RASGEF1A: variants seen among roughly 807,000 people sequenced by gnomAD.
The protein encoded by RASGEF1A is RasGEF domain family member 1A, also known as ras-GEF domain-containing family member 1A.
In RASGEF1A, 18 loss-of-function variants were observed where a neutral mutation model predicts 56.4. The ratio of observed to expected loss-of-function variants is 0.32; its 90% CI spans 0.22 to 0.47. The LOEUF is 0.47. Ranked by LOEUF, RASGEF1A falls within the 20% of genes least tolerant of loss-of-function variation. The pLI is 1.00. For missense variants in RASGEF1A, 422 were observed against 627.1 expected, an observed-to-expected ratio of 0.67 and a Z score of 3.49; for synonymous variants, 245 against 242.6, an observed-to-expected ratio of 1.01 and a Z score of -0.09.
intron 1 of RASGEF1A, among the ~76,000 whole-genome samples, chr10:43,263,042 A>G (rs887972566): frequency 6.6e-5 from 10 of 152,198 alleles, no homozygotes; most frequent in African/African-American, 2.4e-4. Context: ...GATGATGTGC[A>G]TCGTCACCCG....
At position 43,205,925 on chromosome 10, in the gene RASGEF1A, G is replaced by A. The variant is rs1189839769; in HGVS notation, c.192C>T (p.Tyr64=). 1.9e-6 allele frequency: 3 copies of A among 1,612,316 alleles called. No individual in the cohort carries two copies. The highest frequency in any genetic ancestry group is 2.5e-6 in the Non-Finnish European group (3 of 1,179,080). Residue 64 remains tyrosine (Y), a synonymous_variant, in exon 2 of 13, where the codon TAC becomes TAT. Coordinates refer to ENST00000395810, the MANE Select transcript of RASGEF1A (RefSeq NM_145313.4). ...MEHLVPTVDY[Y]PDRTYIFTFL... is the part of the protein sequence containing the mutation. ...CAAGGCCCCACGTACTCACATCGGG[G>A]TAATAGTCCACCGTGGGAACAAGGT...
chr10:43,222,123 G>A (rs997836977), intron 1 of RASGEF1A, among the ~76,000 whole-genome samples: 1 of 152,204 alleles, frequency 6.6e-6, no homozygotes, highest in African/African-American at 2.4e-5. Context: ...CCTGCACAGT[G>A]TGTGACTGCA....
intron 1 of RASGEF1A, 116 bp downstream of exon 1, chr10:43,266,729 C>T (rs1393308068): frequency 6.8e-6 from 1 of 146,142 alleles, no homozygotes; most frequent in Admixed American, 6.8e-5. Flanking sequence ...ACGGCCGCGC[C>T]GGGAGGGACC....
chr10:43,236,332 C>A (rs1024250870), intron 1 of RASGEF1A, among the ~76,000 whole-genome samples: 1 of 152,172 alleles, frequency 6.6e-6, no homozygotes, highest in Non-Finnish European at 1.5e-5. Flanking sequence ...ACCTTGTGTG[C>A]GCATGTATAC....
intron 1 of RASGEF1A, chr10:43,207,444 A>G: frequency 1.0e-6 from 1 of 957,458 alleles, no homozygotes; most frequent in South Asian, 5.0e-5. Context: ...ACACACACAC[A>G]GCACGTCCCT....
At chr10:43,245,968 C>T (rs201824223) in intron 1 of RASGEF1A, among the ~76,000 whole-genome samples, 1 of 152,052 alleles carries the variant, frequency 6.6e-6, no homozygotes, top group Non-Finnish European at 1.5e-5. Context: ...AGAAGTAAAA[C>T]TATCTCTATT....
intron 1 of RASGEF1A, among the ~76,000 whole-genome samples, chr10:43,257,839 G>C (rs1230192679): frequency 6.6e-6 from 1 of 152,238 alleles, no homozygotes; most frequent in East Asian, 1.9e-4. Flanking sequence ...CCACTAGCCA[G>C]GGAAAGGTGT....
intron 1 of RASGEF1A, among the ~76,000 whole-genome samples, chr10:43,266,381 G>T (rs1483577617): frequency 6.6e-6 from 1 of 152,204 alleles, no homozygotes; most frequent in Non-Finnish European, 1.5e-5. Flanking sequence ...GCAAGGGCGT[G>T]AGATACCACG....
chr10:43,237,169 C>A (rs1411901511), intron 1 of RASGEF1A, among the ~76,000 whole-genome samples: 1 of 152,060 alleles, frequency 6.6e-6, no homozygotes, highest in Non-Finnish European at 1.5e-5. Flanking sequence ...TATAGAGGAT[C>A]TCAGGGCCAG....
intron 1 of RASGEF1A, among the ~76,000 whole-genome samples, chr10:43,225,555 G>T (rs1273749715): frequency 6.7e-6 from 1 of 150,064 alleles, no homozygotes; most frequent in East Asian, 1.9e-4. Context: ...GTGTGTCTCT[G>T]TGTGTGGGTG....
intron 1 of RASGEF1A, among the ~76,000 whole-genome samples, chr10:43,261,231 G>T (rs1836522522): frequency 6.6e-6 from 1 of 152,212 alleles, no homozygotes. Context: ...ACCACTCCCC[G>T]CAGGGCAGTT....
intron 1 of RASGEF1A, among the ~76,000 whole-genome samples, chr10:43,250,849 G>A (rs1840620369): frequency 6.6e-6 from 1 of 152,214 alleles, no homozygotes; most frequent in Non-Finnish European, 1.5e-5. Context: ...AGGCTTGGGA[G>A]TGGTGGTCCT....
At chr10:43,255,536 C>A (rs766395133) in intron 1 of RASGEF1A, among the ~76,000 whole-genome samples, 1 of 152,238 alleles carries the variant, frequency 6.6e-6, no homozygotes, top group African/African-American at 2.4e-5. Flanking sequence ...AGAGCCTGCA[C>A]CTGGAGCAGG....
chr10:43,248,756 G>A (rs958614670), intron 1 of RASGEF1A, among the ~76,000 whole-genome samples: 3 of 152,092 alleles, frequency 2.0e-5, no homozygotes, highest in Non-Finnish European at 4.4e-5. Context: ...GCTAGGTAAT[G>A]GTATTCATTC....
At position 43,196,210 on chromosome 10, in the gene RASGEF1A, C is replaced by A. The variant is rs777118344; in HGVS notation, c.*34G>T. ...TCAAAATTTAAACCCAGTTAGTGCACGTGCTTCCTCTGGCGTCGCGGGCTG... is the reference window on the plus strand; with the variant it reads ...TCAAAATTTAAACCCAGTTAGTGCAAGTGCTTCCTCTGGCGTCGCGGGCTG... On this transcript the variant is annotated 3_prime_UTR_variant, in exon 13 of 13. Coordinates refer to ENST00000395810, the MANE Select transcript of RASGEF1A (RefSeq NM_145313.4). The surrounding 1 kb of genome is among the most constrained non-coding windows in gnomAD (Gnocchi z 4.6). The A allele has an allele frequency of 1.6e-5, 25 of 1,609,582 alleles. No individual in the cohort carries two copies. The South Asian group carries it at 2.0e-4, about 13-fold the overall frequency.
intron 7 of RASGEF1A, among the ~76,000 whole-genome samples, 166 bp from the exon 8 acceptor site, chr10:43,199,360 C>T (rs559197353): frequency 9.2e-5 from 14 of 152,288 alleles, no homozygotes; most frequent in African/African-American, 3.4e-4. Flanking sequence ...GACATGTGCA[C>T]GGCCTATGCT....
At chr10:43,261,057 G>T (rs890176189) in intron 1 of RASGEF1A, among the ~76,000 whole-genome samples, 1 of 151,952 alleles carries the variant, frequency 6.6e-6, no homozygotes, top group East Asian at 1.9e-4. Flanking sequence ...GGTGACCGCA[G>T]CTGTGGGTCT....
At chr10:43,206,963 G>T (rs1588931692) in intron 1 of RASGEF1A, 2 of 985,456 alleles carry the variant, frequency 2.0e-6, no homozygotes, top group Non-Finnish European at 2.4e-6. Context: ...AGCATGGCCC[G>T]CTGTGATGGG....
chr10:43,259,967 C>G (rs903245003), intron 1 of RASGEF1A, among the ~76,000 whole-genome samples: 2 of 152,178 alleles, frequency 1.3e-5, no homozygotes, highest in African/African-American at 2.4e-5. Context: ...CACCAGAGAA[C>G]CACACCACCT....
Sources: allele counts gnomAD v4.1 joint callset (sites outside exome capture counted in the v4.1 genomes callset), GRCh38; gene constraint gnomAD v4.1.1; non-coding constraint Gnocchi (gnomAD v3.1); transcripts MANE v1.5; gene names NCBI Gene and HGNC (gene_info 2026-07-23, HGNC 2026-07-21).